The following ALX4 variants were observed in gnomAD, a reference collection of about 807,000 sequenced individuals.
ALX4 encodes the protein ALX homeobox 4, also known as homeobox protein aristaless-like 4.
A neutral mutation model predicts 40.6 loss-of-function variants in ALX4; 22 were observed. That is an observed-to-expected ratio of 0.54 (90% CI 0.39 to 0.77). ALX4 has a LOEUF of 0.77. Among genes scored for constraint, ALX4 ranks in the 30% least tolerant of loss-of-function variants. The pLI is 0.00. For synonymous variants in ALX4, 266 were observed against 240.5 expected (o/e 1.11, Z -0.98); for missense variants, 556 against 564.8 (o/e 0.98, Z 0.16).
chr11:44,264,688 C>T lies in ALX4; in HGVS notation c.*166G>A, dbSNP rs1444652961. ...CAGGGGCCTGCTGCCCCCTCCCTCC[C>T]AGCAGTCCACGGGGCCTCAGACTTG... On this transcript the variant is annotated 3_prime_UTR_variant, in exon 4 of 4. Transcript: ENST00000652299. 1 of 746,780 alleles carries T rather than the reference C, an allele frequency of 1.3e-6. No individual in the cohort carries two copies. Among genetic ancestry groups the T allele is most frequent in the African/African-American group, 1.8e-5 (1 of 56,720 alleles). The allele number at this position is 746,780 out of a possible 1,614,324, so 46.3% of individuals were successfully genotyped here.
chr11:44,300,872 C>T (rs753026972), intron 1 of ALX4, among the ~76,000 whole-genome samples: 7 of 152,250 alleles, frequency 4.6e-5, no homozygotes, highest in Non-Finnish European at 8.8e-5. Context: ...ATCCCAACTT[C>T]CCCCAACTTT....
intron 2 of ALX4, among the ~76,000 whole-genome samples, chr11:44,269,422 AG>A (rs1956232259): frequency 6.6e-6 from 1 of 152,192 alleles, no homozygotes; most frequent in South Asian, 2.1e-4. Context: ...TGTTACTGTG[AG>A]GAGGGTGGGG....
chr11:44,284,570 A>T (rs570510740), intron 1 of ALX4, among the ~76,000 whole-genome samples: 4 of 152,188 alleles, frequency 2.6e-5, no homozygotes, highest in South Asian at 2.1e-4. Context: ...AACCCTGTAC[A>T]TCAGGCTTAT....
At chr11:44,284,970 G>T (rs765300369) in intron 1 of ALX4, among the ~76,000 whole-genome samples, 3 of 151,612 alleles carry the variant, frequency 2.0e-5, no homozygotes, top group Non-Finnish European at 2.9e-5. Flanking sequence ...GTAAACTTTT[G>T]TGTTTTTTTT....
At position 44,275,369 on chromosome 11, in the gene ALX4, G is replaced by A. The variant is rs775610689; in HGVS notation, c.756C>T (p.Asp252=). 5 of 1,614,226 alleles carry A rather than the reference G, an allele frequency of 3.1e-6. No individual in the cohort carries two copies. Among genetic ancestry groups the A allele is most frequent in the Middle Eastern group, 1.6e-4 (1 of 6,062 alleles). The change falls in exon 2 of 4, where the codon GAC becomes GAT. Residue 252 remains aspartate, a synonymous_variant. Transcript: ENST00000652299. ...TGACCTGCACGCGGGCCTCAGTGAG[G>A]TCTGTCCTCATGGCCAGCTGTTCCC... The part of the protein sequence containing the change: ...YAREQLAMRT[D]LTEARVQVWF...
chr11:44,310,032 C>G lies in ALX4; in HGVS notation c.31G>C (p.Glu11Gln). 1 of 1,601,808 alleles carries G rather than the reference C, an allele frequency of 6.2e-7. No individual in the cohort carries two copies. Residue 11 changes from glutamate (E) to glutamine (Q), a missense_variant, in exon 1 of 4, where the codon GAG (glutamate) becomes CAG (glutamine). Transcript: ENST00000652299. MNAETCVSYCESPAAAMDAYY... is the reference protein window; with the variant it reads MNAETCVSYCQSPAAAMDAYY... ...GCGTCCATGGCAGCGGCCGGCGACT[C>G]GCAGTAAGAGACGCAAGTCTCAGCA...
intron 2 of ALX4, 147 bp downstream of exon 2, chr11:44,275,201 A>T: frequency 1.3e-6 from 1 of 795,778 alleles, no homozygotes; most frequent in Non-Finnish European, 2.1e-6. Flanking sequence ...GGGGCAGGCT[A>T]GGAGCCCCCA....
At chr11:44,267,472 G>A (rs764143920) in intron 3 of ALX4, 22 bp downstream of exon 3, 38 of 1,612,786 alleles carry the variant, frequency 2.4e-5, no homozygotes, top group Middle Eastern at 1.7e-4. Context: ...GATCGGTGGC[G>A]GCAGCTCAGG....
chr11:44,289,125 G>A (rs1019105850), intron 1 of ALX4, among the ~76,000 whole-genome samples: 35 of 152,200 alleles, frequency 2.3e-4, no homozygotes, highest in African/African-American at 8.2e-4. Context: ...GACACGGCAG[G>A]GCCCACAGAA....
chr11:44,301,564 A>G (rs1057208222), intron 1 of ALX4, among the ~76,000 whole-genome samples: 1 of 152,132 alleles, frequency 6.6e-6, no homozygotes, highest in Non-Finnish European at 1.5e-5. Context: ...GGTCTGCTTT[A>G]CTTCTAAGGA....
intron 1 of ALX4, among the ~76,000 whole-genome samples, chr11:44,289,777 G>A (rs1004963141): frequency 1.2e-4 from 18 of 152,126 alleles, no homozygotes. Context: ...CTTCAGTCTG[G>A]GCTCTAAGTG....
intron 1 of ALX4, among the ~76,000 whole-genome samples, chr11:44,306,743 A>C (rs1006437070): frequency 6.6e-6 from 1 of 152,140 alleles, no homozygotes; most frequent in African/African-American, 2.4e-5. Context: ...ATCGTTGTCA[A>C]TGCATGCCTC....
chr11:44,279,304 C>T (rs1192085681), intron 1 of ALX4, among the ~76,000 whole-genome samples: 4 of 152,244 alleles, frequency 2.6e-5, no homozygotes, highest in Admixed American at 1.3e-4. Context: ...AGGCTACTGC[C>T]ACCCCTCTGA....
At chr11:44,296,233 G>T (rs1410877038) in intron 1 of ALX4, among the ~76,000 whole-genome samples, 1 of 152,224 alleles carries the variant, frequency 6.6e-6, no homozygotes, top group Non-Finnish European at 1.5e-5. Context: ...TCTACAAATG[G>T]TGCTGGGAAA....
chr11:44,287,424 A>G (rs1347591005), intron 1 of ALX4, among the ~76,000 whole-genome samples: 3 of 152,062 alleles, frequency 2.0e-5, no homozygotes, highest in African/African-American at 7.3e-5. Context: ...TTATAGCCCC[A>G]GAAACTGAGG....
At chr11:44,278,698 C>T (rs1371737666) in intron 1 of ALX4, among the ~76,000 whole-genome samples, 5 of 152,296 alleles carry the variant, frequency 3.3e-5, no homozygotes. Context: ...GGCCTCGGCC[C>T]CCGCTCTTCT....
chr11:44,267,460 G>A (rs1259971435), intron 3 of ALX4, 34 bp downstream of exon 3: 26 of 1,611,794 alleles, frequency 1.6e-5, no homozygotes, highest in African/African-American at 2.7e-5. Context: ...CCAGGGGCTG[G>A]GGATCGGTGG....
At chr11:44,309,179 C>CCCGCAGCCCCGCA (rs1347862301) in intron 1 of ALX4, among the ~76,000 whole-genome samples, 4 of 115,468 alleles carry the variant, frequency 3.5e-5, no homozygotes. Flanking sequence ...GCCCCGCAGC[C>CCCGCAGCCCCGCA]TCGCAGCCCC....
intron 1 of ALX4, among the ~76,000 whole-genome samples, chr11:44,281,115 T>C (rs1175859726): frequency 1.3e-5 from 2 of 152,088 alleles, no homozygotes; most frequent in Non-Finnish European, 1.5e-5. Flanking sequence ...CTTTTTTCTT[T>C]CTTTCTTTTT....
Sources: gnomAD v4.1 joint callset for allele counts (sites outside exome capture counted in the v4.1 genomes callset) on GRCh38, gnomAD v4.1.1 for gene constraint, MANE v1.5 for transcripts, NCBI Gene and HGNC (gene_info 2026-07-23, HGNC 2026-07-21) for gene names.